Variants in BTK observed in about 807,000 individuals in gnomAD.
The protein encoded by BTK is Bruton tyrosine kinase.
In BTK, 5 loss-of-function variants were observed where a neutral mutation model predicts 57.4. That is an observed-to-expected ratio of 0.09 (90% confidence interval 0.05 to 0.18). The LOEUF (loss-of-function observed/expected upper bound fraction) is 0.18. BTK is among the 10% of genes least tolerant of loss of function. The pLI, the probability that BTK is intolerant of heterozygous loss-of-function variation, is 1.00. For missense variants in BTK, 194 were observed against 501.2 expected, an observed-to-expected ratio of 0.39 and a Z score of 5.85; for synonymous variants, 154 against 174.3, an observed-to-expected ratio of 0.88 and a Z score of 0.92.
At chrX:101,364,561 T>C (rs1171002200) in intron 5 of BTK, among the ~76,000 whole-genome samples, 1 of 66,690 alleles carries the variant, frequency 1.5e-5, no homozygotes, top group Non-Finnish European at 2.9e-5. Context: ...CAAAAGTTCT[T>C]TTTTTTTTTT....
At chrX:101,385,976 C>G (rs782214574) in intron 1 of BTK, 86 bp downstream of exon 1, 1 of 110,999 alleles carries the variant, frequency 9.0e-6, no homozygotes, top group Admixed American at 9.6e-5. Context: ...TAAATGGCAC[C>G]AGCCATGCTG....
At chrX:101,382,649 A>G (rs1927488651) in intron 1 of BTK, among the ~76,000 whole-genome samples, 1 of 111,253 alleles carries the variant, frequency 9.0e-6, no homozygotes, top group Non-Finnish European at 1.9e-5. Context: ...ATTCTGGCCA[A>G]CTGATGATGG....
At chrX:101,366,861 CT>C (rs1926866764) in intron 5 of BTK, among the ~76,000 whole-genome samples, 1 of 112,455 alleles carries the variant, frequency 8.9e-6, no homozygotes, top group Admixed American at 9.4e-5. Flanking sequence ...TTTATTTTGG[CT>C]TTATTTTTAG....
At chrX:101,384,471 C>T (rs1927549519) in intron 1 of BTK, among the ~76,000 whole-genome samples, 1 of 111,592 alleles carries the variant, frequency 9.0e-6, no homozygotes, top group Non-Finnish European at 1.9e-5. Context: ...GTGGCACATG[C>T]CTGTAATCCC....
intron 1 of BTK, among the ~76,000 whole-genome samples, chrX:101,375,843 G>C (rs1336057134): frequency 8.9e-6 from 1 of 111,865 alleles, no homozygotes; most frequent in African/African-American, 3.2e-5. Flanking sequence ...ATAAGGATAT[G>C]GAGGCTGCAC....
intron 3 of BTK, 58 bp downstream of exon 3, chrX:101,374,478 A>G: frequency 1.0e-6 from 1 of 976,004 alleles, no homozygotes; most frequent in East Asian, 3.1e-5. Flanking sequence ...GAGAATTTAA[A>G]TGTTGCAAAT....
intron 3 of BTK, among the ~76,000 whole-genome samples, chrX:101,373,331 C>T (rs1190782337): frequency 9.0e-6 from 1 of 111,685 alleles, no homozygotes; most frequent in Admixed American, 9.5e-5. Flanking sequence ...AAGATTGTTC[C>T]TCTCAACATG....
chrX:101,349,552 C>T lies in BTK; in HGVS notation c.*333G>A. ...AATTCGGTCCACCCCCACACACACA[C>T]CCCCAAGCTCTACCAAATGCCTACT... On this transcript the variant is annotated 3_prime_UTR_variant, in exon 19 of 19. Transcript: ENST00000308731. 1 of 257,900 alleles carries T rather than the reference C, an allele frequency of 3.9e-6. No individual in the cohort carries two copies. The highest frequency in any genetic ancestry group is 5.9e-5 in the East Asian group (1 of 17,046). The allele number at this position is 257,900 out of a possible 1,213,427, so 21.3% of individuals were successfully genotyped here. A position where few individuals can be genotyped will look rare whatever the true frequency, so the allele number is the denominator to read the frequency against.
intron 12 of BTK, among the ~76,000 whole-genome samples, 187 bp from the exon 13 acceptor site, chrX:101,357,770 AAG>A (rs1189446426): frequency 1.8e-5 from 2 of 111,919 alleles, no homozygotes; most frequent in East Asian, 5.6e-4. Context: ...AGGGACAAAA[AAG>A]AGAAAATACT....
At position 101,362,185 on chromosome X, in the gene BTK, A is replaced by G. The variant is rs2147434949; in HGVS notation, c.576T>C (p.Pro192=). Residue 192 remains proline (P), a synonymous_variant, in exon 7 of 19, where the codon CCT becomes CCC. Transcript: ENST00000308731. ...RKTKKPLPPT[P]EEDQILKKPL... ...TTTCCCTGTATACCTGGTCCTCCTC[A>G]GGCGTTGGGGGAAGAGGCTTTTTTG... 8.3e-7 allele frequency: 1 copy of G among 1,211,652 alleles called. No individual in the cohort carries two copies. The highest frequency in any genetic ancestry group is 2.3e-4 in the Middle Eastern group (1 of 4,341).
At chrX:101,361,679 C>T (rs1184938898) in intron 7 of BTK, among the ~76,000 whole-genome samples, 1 of 111,260 alleles carries the variant, frequency 9.0e-6, no homozygotes, top group African/African-American at 3.3e-5. Flanking sequence ...CTTTAGGAGG[C>T]CGAGGCGGGT....
rs782533636 is a variant in BTK at position 101,356,999 on chromosome X, A to T, written c.1178-44T>A. ...TGTGATTCTTTGGGGTCATGAATGT[A>T]TAATTCTTACAATAGACAAAAATCC... On this transcript the variant is annotated intron_variant, in intron 13 of 18. Coordinates refer to ENST00000308731, the MANE Select transcript of BTK (RefSeq NM_000061.3). 5 of 1,190,996 alleles carry T rather than the reference A, an allele frequency of 4.2e-6. No individual in the cohort carries two copies. In the South Asian group the frequency reaches 8.9e-5, roughly 21 times the overall value.
chrX:101,373,658 G>A (rs782272147), intron 3 of BTK, among the ~76,000 whole-genome samples: 2 of 112,292 alleles, frequency 1.8e-5, no homozygotes, highest in East Asian at 5.5e-4. Flanking sequence ...CTGGGTAACA[G>A]GATTATGCAT....
At chrX:101,379,944 A>G (rs782711714) in intron 1 of BTK, among the ~76,000 whole-genome samples, 22 of 111,802 alleles carry the variant, frequency 2.0e-4, no homozygotes, top group Non-Finnish European at 4.1e-4. Context: ...ATCATTCCCA[A>G]GGAGATTCTG....
chrX:101,355,643 TA>T (rs1391481916), intron 15 of BTK: 5 of 150,094 alleles, frequency 3.3e-5, no homozygotes, highest in Admixed American at 7.6e-5. Context: ...TTATATAACA[TA>T]AAAAAAACCC....
intron 1 of BTK, among the ~76,000 whole-genome samples, chrX:101,383,215 G>T (rs1569298362): frequency 9.0e-6 from 1 of 111,190 alleles, no homozygotes; most frequent in Non-Finnish European, 1.9e-5. Flanking sequence ...ATCTATGTAT[G>T]TATGTATGCA....
intron 5 of BTK, among the ~76,000 whole-genome samples, chrX:101,367,341 AT>A (rs1342117131): frequency 9.1e-6 from 1 of 109,887 alleles, no homozygotes; most frequent in Non-Finnish European, 1.9e-5. Context: ...TGGACATTCA[AT>A]AAATATTTGT....
At chrX:101,376,668 A>G (rs1555981098) in intron 1 of BTK, among the ~76,000 whole-genome samples, 2 of 110,331 alleles carry the variant, frequency 1.8e-5, no homozygotes. Flanking sequence ...AACACTAAGT[A>G]AGTAACGAAA....
chrX:101,363,507 T>G (rs1926734959), intron 5 of BTK, among the ~76,000 whole-genome samples: 1 of 109,934 alleles, frequency 9.1e-6, no homozygotes, highest in African/African-American at 3.3e-5. Flanking sequence ...GAGCATGAGG[T>G]CAGGAGTTCA....
Sources: allele counts gnomAD v4.1 joint callset (sites outside exome capture counted in the v4.1 genomes callset), GRCh38; gene constraint gnomAD v4.1.1; transcripts MANE v1.5; gene names NCBI Gene and HGNC (gene_info 2026-07-23, HGNC 2026-07-21).